The following KCNC2 variants were observed in gnomAD, a reference collection of about 807,000 sequenced individuals.
The protein encoded by KCNC2 is potassium voltage-gated channel subfamily C member 2.
Under a neutral mutation model 44.5 loss-of-function variants are expected in KCNC2, and 21 were observed. That is an observed-to-expected ratio of 0.47 (90% CI 0.33 to 0.68). The LOEUF is 0.68. KCNC2 is among the 30% of genes least tolerant of loss of function. KCNC2 has a pLI of 0.01. For missense variants in KCNC2, 589 were observed against 826.2 expected (o/e 0.71, Z 3.52); for synonymous variants, 391 against 339.1 (o/e 1.15, Z -1.68).
intron 2 of KCNC2, among the ~76,000 whole-genome samples, chr12:75,135,020 A>G (rs1889126384): frequency 6.6e-6 from 1 of 151,920 alleles, no homozygotes; most frequent in Non-Finnish European, 1.5e-5. Context: ...GATCATTTTT[A>G]CTTTAAATAA....
At chr12:75,122,797 G>A (rs147759863) in intron 2 of KCNC2, among the ~76,000 whole-genome samples, 15 of 151,748 alleles carry the variant, frequency 9.9e-5, no homozygotes, top group Non-Finnish European at 1.5e-4. Flanking sequence ...ATCGGAAAGC[G>A]GAAAAGATAT....
chr12:75,174,071 G>C (rs1349598443), intron 2 of KCNC2, among the ~76,000 whole-genome samples: 3 of 151,292 alleles, frequency 2.0e-5, no homozygotes, highest in Non-Finnish European at 3.0e-5. Flanking sequence ...ATTTTAAACA[G>C]AGTAATTTCC....
At chr12:75,176,377 C>T (rs1004638546) in intron 2 of KCNC2, among the ~76,000 whole-genome samples, 4 of 151,978 alleles carry the variant, frequency 2.6e-5, no homozygotes, top group Non-Finnish European at 4.4e-5. Context: ...CAGATCATGC[C>T]ATTCCTCTGC....
At chr12:75,144,585 T>C (rs1889881296) in intron 2 of KCNC2, among the ~76,000 whole-genome samples, 3 of 151,690 alleles carry the variant, frequency 2.0e-5, no homozygotes, top group African/African-American at 4.8e-5. Flanking sequence ...CTGTAAAATA[T>C]ATATATACAC....
rs773626719 is a variant in KCNC2, at chr12:75,051,343, A to C, written c.688-26T>G. Reference sequence around the variant, plus strand: ...CTGTAGAGGAAAAAGAAATAAAAAAACCCATAGTGATCTGAATCGTAATAT... The same window carrying C: ...CTGTAGAGGAAAAAGAAATAAAAAACCCCATAGTGATCTGAATCGTAATAT... On this transcript the variant is annotated intron_variant, in intron 2 of 4. Transcript: ENST00000549446. The C allele has an allele frequency of 6.9e-6, 9 of 1,308,600 alleles. No individual in the cohort carries two copies. In the East Asian group the frequency reaches 1.7e-4, roughly 25 times the overall value. The allele number at this position is 1,308,600 out of a possible 1,614,324, so 81.1% of individuals were successfully genotyped here. A position where few individuals can be genotyped will look rare whatever the true frequency, so the allele number is the denominator to read the frequency against.
intron 2 of KCNC2, among the ~76,000 whole-genome samples, chr12:75,189,785 G>A (rs1246684005): frequency 6.6e-6 from 1 of 152,150 alleles, no homozygotes; most frequent in Admixed American, 6.5e-5. Context: ...CATATCTAAT[G>A]CAATTACAGT....
intron 2 of KCNC2, among the ~76,000 whole-genome samples, chr12:75,056,320 T>TA (rs1353327172): frequency 9.9e-5 from 15 of 152,040 alleles, no homozygotes; most frequent in Admixed American, 8.5e-4. Flanking sequence ...AAGAAAAACT[T>TA]AAAAAATATA....
At position 75,041,892 on chromosome 12, in the gene KCNC2, A is replaced by G. The variant is rs1381706828; in HGVS notation, c.*1213T>C. On this transcript the variant is annotated 3_prime_UTR_variant, in exon 5 of 5. Coordinates refer to ENST00000549446, the MANE Select transcript of KCNC2 (RefSeq NM_139137.4). ...GGGTTTGGAGGGAGTAAATATTAAAATCATAAACATCTTACAGAGGCATTT... is the reference window on the plus strand; with the variant it reads ...GGGTTTGGAGGGAGTAAATATTAAAGTCATAAACATCTTACAGAGGCATTT... 3.0e-6 allele frequency: 3 copies of G among 991,588 alleles called. No individual in the cohort carries two copies. The highest frequency in any genetic ancestry group is 3.6e-6 in the Non-Finnish European group (3 of 834,300). 61.4% of individuals were successfully genotyped at this position (991,588 alleles called of 1,614,324 possible).
At position 75,040,524 on chromosome 12, in the gene KCNC2, AT is replaced by A. The variant is rs1879793748; in HGVS notation, c.*2580del. ...ATTGCCAGAATTATGTTTTTGTAAT[AT>A]TTATAATTGAGGTAATAATGATAAA... On this transcript the variant is annotated 3_prime_UTR_variant, in exon 5 of 5. Transcript: ENST00000549446. The A allele has an allele frequency of 6.5e-6, 1 of 152,758 alleles. No homozygotes were observed. 9.5% of individuals were successfully genotyped at this position (152,758 alleles called of 1,614,324 possible). A position where few individuals can be genotyped will look rare whatever the true frequency, so the allele number is the denominator to read the frequency against.
chr12:75,066,902 G>A (rs1882883753), intron 2 of KCNC2, among the ~76,000 whole-genome samples: 1 of 152,044 alleles, frequency 6.6e-6, no homozygotes, highest in South Asian at 2.1e-4. Context: ...CTTTCAATTT[G>A]GGGATAACAA....
intron 2 of KCNC2, among the ~76,000 whole-genome samples, chr12:75,122,210 T>C (rs190761888): frequency 1.6e-4 from 25 of 152,192 alleles, no homozygotes; most frequent in African/African-American, 6.0e-4. Flanking sequence ...TTTGTTTGTG[T>C]TGGGGAGAAG....
At chr12:75,100,703 T>C (rs962176111) in intron 2 of KCNC2, among the ~76,000 whole-genome samples, 3 of 152,070 alleles carry the variant, frequency 2.0e-5, no homozygotes, top group African/African-American at 7.2e-5. Context: ...TACTAGTTAA[T>C]AGGTTAAGGA....
At chr12:75,120,445 T>C (rs1433457169) in intron 2 of KCNC2, among the ~76,000 whole-genome samples, 1 of 152,202 alleles carries the variant, frequency 6.6e-6, no homozygotes, top group Non-Finnish European at 1.5e-5. Flanking sequence ...CATAGCAGCA[T>C]TTCTTTGTAA....
chr12:75,055,760 T>C (rs1030459641), intron 2 of KCNC2, among the ~76,000 whole-genome samples: 1 of 152,004 alleles, frequency 6.6e-6, no homozygotes, highest in Non-Finnish European at 1.5e-5. Flanking sequence ...TGACCATGAG[T>C]TGGAAGTCTT....
intron 2 of KCNC2, among the ~76,000 whole-genome samples, chr12:75,173,116 A>G (rs181002647): frequency 2.9e-4 from 44 of 152,040 alleles, no homozygotes; most frequent in East Asian, 1.6e-3. Context: ...ATATTTGCCT[A>G]TGAAATTATT....
Position 75,051,168 on chromosome 12 carries a change from A to T in KCNC2, c.837T>A (p.Asp279Glu). Residue 279 changes from aspartate (D) to glutamate (E), a missense_variant, in exon 3 of 5, where the codon GAT becomes GAA. Physicochemically the swap from Asp to Glu is conservative, Grantham distance 45. Around this residue, in one of 7 missense-constraint regions of KCNC2, gnomAD observed 40 missense variants for 40.6 expected, o/e 0.99. Coordinates refer to ENST00000549446, the MANE Select transcript of KCNC2 (RefSeq NM_139137.4). ...CTCCTTCTACATACGTCAAGGCAGG[A>T]TCCGTTTCAATTTCATACTGTAGAA... ...SVVLQYEIET[D>E]PALTYVEGVC... 6.2e-7 allele frequency: 1 copy of T among 1,613,824 alleles called. No homozygotes were observed. The highest frequency in any genetic ancestry group is 8.5e-7 in the Non-Finnish European group (1 of 1,179,788).
chr12:75,186,485 T>C (rs1380798806), intron 2 of KCNC2, among the ~76,000 whole-genome samples: 1 of 152,082 alleles, frequency 6.6e-6, no homozygotes, highest in African/African-American at 2.4e-5. Flanking sequence ...TGGATTGTTA[T>C]AGTTTACGTA....
At chr12:75,087,649 G>T (rs1885134170) in intron 2 of KCNC2, among the ~76,000 whole-genome samples, 1 of 151,924 alleles carries the variant, frequency 6.6e-6, no homozygotes, top group African/African-American at 2.4e-5. Context: ...AAATTTGGGA[G>T]AATTCCAGGC....
intron 2 of KCNC2, among the ~76,000 whole-genome samples, chr12:75,082,882 G>T (rs886219108): frequency 6.6e-6 from 1 of 151,648 alleles, no homozygotes; most frequent in Admixed American, 6.6e-5. Flanking sequence ...AAATAAGTCT[G>T]TACAGATAGA....
Sources: allele counts gnomAD v4.1 joint callset (sites outside exome capture counted in the v4.1 genomes callset), GRCh38; gene constraint gnomAD v4.1.1; regional missense constraint gnomAD v4.1.1; transcripts MANE v1.5; gene names NCBI Gene and HGNC (gene_info 2026-07-23, HGNC 2026-07-21).